The following COL14A1 variants were observed in gnomAD, a reference collection of about 807,000 sequenced individuals.
The protein encoded by COL14A1 is collagen type XIV alpha 1 chain.
COL14A1 carries 136 observed loss-of-function variants against 230.3 expected under a neutral mutation model. The ratio of observed to expected loss-of-function variants is 0.59; its 90% confidence interval spans 0.51 to 0.68. The LOEUF is 0.68. COL14A1 is among the 30% of genes least tolerant of loss of function. The pLI is 0.00. For missense variants in COL14A1, 1,976 were observed against 2,215.8 expected, an observed-to-expected ratio of 0.89 and a Z score of 2.17; for synonymous variants, 792 against 784.1, an observed-to-expected ratio of 1.01 and a Z score of -0.17.
At chr8:120,203,573 A>T in intron 8 of COL14A1, 136 bp from the exon 9 acceptor site, 1 of 541,278 alleles carries the variant, frequency 1.8e-6, no homozygotes, top group Non-Finnish European at 3.0e-6. Context: ...TAAAATTTTA[A>T]ATATATATAT....
At chr8:120,229,208 A>C (rs1158039147) in intron 18 of COL14A1, among the ~76,000 whole-genome samples, 1 of 150,392 alleles carries the variant, frequency 6.6e-6, no homozygotes, top group African/African-American at 2.5e-5. Flanking sequence ...TGCACTGCAC[A>C]CACTAACTCG....
rs116087376 is a variant in COL14A1, at chr8:120,273,133, A to G, written c.3213+2959A>G. On this transcript the variant is annotated intron_variant, in intron 26 of 47. Transcript: ENST00000297848. ...GGAATAAAACTAGAAATCAACTCCA[A>G]AAGGAATCCTCAAAAGTATACAAAT... 4.3e-3 allele frequency among the ~76,000 whole-genome samples: 654 copies of G among 151,988 alleles called. 2 individuals are homozygous for G. Among genetic ancestry groups the G allele is most frequent in the African/African-American group, 0.015 (637 of 41,526 alleles).
intron 2 of COL14A1, among the ~76,000 whole-genome samples, chr8:120,151,960 T>C (rs1208213532): frequency 6.6e-6 from 1 of 152,016 alleles, no homozygotes; most frequent in Non-Finnish European, 1.5e-5. Context: ...AGTCAAGGAA[T>C]GTGAGAAGCC....
rs566393558 is a variant in COL14A1, at chr8:120,190,144, CT to C, written c.437-6646del. ...TATTTCTCCACATCCTCTCCAGCAC[CT>C]GTTGTTTCCTGACTTTTTCATGATT... On this transcript the variant is annotated intron_variant, in intron 5 of 47. Coordinates refer to ENST00000297848, the MANE Select transcript of COL14A1 (RefSeq NM_021110.4). 6.8e-3 allele frequency among the ~76,000 whole-genome samples: 1,026 copies of C among 151,920 alleles called. 7 individuals carry two copies. Among genetic ancestry groups the C allele is most frequent in the African/African-American group, 0.024 (976 of 41,402 alleles).
chr8:120,280,560 A>T (rs1820002577), intron 29 of COL14A1, 151 bp from the exon 30 acceptor site: 1 of 756,528 alleles, frequency 1.3e-6, no homozygotes, highest in African/African-American at 1.8e-5. Flanking sequence ...TCTTCATGAA[A>T]CCACAGAAAA....
chr8:120,218,114 A>T (rs1817816269), intron 14 of COL14A1, among the ~76,000 whole-genome samples: 1 of 139,646 alleles, frequency 7.2e-6, no homozygotes, highest in Admixed American at 7.6e-5. Context: ...ATATATAAGT[A>T]TATATCTATA....
intron 40 of COL14A1, among the ~76,000 whole-genome samples, chr8:120,317,177 C>T (rs1326393577): frequency 6.6e-6 from 1 of 152,132 alleles, no homozygotes; most frequent in Non-Finnish European, 1.5e-5. Context: ...CTGGTGTTCA[C>T]TGGTGTTTTG....
intron 5 of COL14A1, among the ~76,000 whole-genome samples, chr8:120,195,277 G>C (rs1026831966): frequency 1.3e-5 from 2 of 151,852 alleles, no homozygotes; most frequent in Non-Finnish European, 2.9e-5. Flanking sequence ...TATTCAACTT[G>C]TTTATGAATA....
chr8:120,343,338 A>G (rs571854726), intron 44 of COL14A1, among the ~76,000 whole-genome samples: 3 of 151,980 alleles, frequency 2.0e-5, no homozygotes, highest in Non-Finnish European at 4.4e-5. Context: ...TAGCACCCCC[A>G]CTTCCAGGGC....
chr8:120,225,170 A>G lies in COL14A1; in HGVS notation c.1820A>G (p.Tyr607Cys). 1.2e-6 allele frequency: 2 copies of G among 1,612,960 alleles called. No homozygotes were observed. The highest frequency in any genetic ancestry group is 1.3e-5 in the African/African-American group (1 of 75,012). The change falls in exon 15 of 48, where the codon TAT becomes TGT. Residue 607 changes from tyrosine (Y) to cysteine (C), a missense_variant. Physicochemically the swap from Tyr to Cys is radical, Grantham distance 194 (BLOSUM62 -2). Coordinates refer to ENST00000297848, the MANE Select transcript of COL14A1 (RefSeq NM_021110.4). Reference sequence around the variant, plus strand: ...TATACTATTGCTATTTTCTCCATCTATGATGAAGGACAGTCAGAGCCTCTG... The same window carrying G: ...TATACTATTGCTATTTTCTCCATCTGTGATGAAGGACAGTCAGAGCCTCTG... ...TEYTIAIFSI[Y>C]DEGQSEPLTG...
At chr8:120,145,438 A>G (rs1815059739) in intron 1 of COL14A1, among the ~76,000 whole-genome samples, 1 of 152,268 alleles carries the variant, frequency 6.6e-6, no homozygotes, top group East Asian at 1.9e-4. Flanking sequence ...GGGCAACATG[A>G]TGAAATCCCG....
At chr8:120,350,236 G>A (rs1029843567) in intron 45 of COL14A1, among the ~76,000 whole-genome samples, 1 of 152,016 alleles carries the variant, frequency 6.6e-6, no homozygotes, top group South Asian at 2.1e-4. Flanking sequence ...CCTGAAGGAA[G>A]CAATAAACAT....
chr8:120,216,965 T>G (rs114372083), intron 14 of COL14A1, among the ~76,000 whole-genome samples: 1,778 of 152,170 alleles, frequency 0.012, 36 homozygotes, highest in African/African-American at 0.039. Flanking sequence ...TCACACTCCA[T>G]TAGTATGAGA....
chr8:120,308,489 A>T (rs1820920779), intron 36 of COL14A1, among the ~76,000 whole-genome samples: 1 of 152,260 alleles, frequency 6.6e-6, no homozygotes, highest in African/African-American at 2.4e-5. Flanking sequence ...GTGTGACATC[A>T]CATATTTAAA....
chr8:120,166,058 C>G (rs116504967), intron 4 of COL14A1, among the ~76,000 whole-genome samples: 2,837 of 152,158 alleles, frequency 0.019, 85 homozygotes, highest in African/African-American at 0.065. Context: ...GTCAGTGGGG[C>G]CAGTCAGGTG....
chr8:120,347,479 A>C (rs1822560826), intron 45 of COL14A1, among the ~76,000 whole-genome samples: 1 of 152,182 alleles, frequency 6.6e-6, no homozygotes, highest in South Asian at 2.1e-4. Context: ...GTCAGGGCTT[A>C]TAGGCCAGCA....
chr8:120,275,491 G>A (rs1819810268), intron 26 of COL14A1, among the ~76,000 whole-genome samples: 1 of 151,774 alleles, frequency 6.6e-6, no homozygotes, highest in South Asian at 2.1e-4. Flanking sequence ...TAAATAAATG[G>A]TACCTAATTA....
intron 46 of COL14A1, among the ~76,000 whole-genome samples, chr8:120,368,595 A>T (rs1321565483): frequency 2.3e-5 from 3 of 132,620 alleles, no homozygotes; most frequent in African/African-American, 9.7e-5. Flanking sequence ...CCTAAAAACA[A>T]GCATACAAGC....
At position 120,345,401 on chromosome 8, in the gene COL14A1, C is replaced by A. The variant is rs1822467051; in HGVS notation, c.4915C>A (p.Leu1639Ile). ...TCACATGGCCAGGTACACTGCCATC[C>A]TCAACCAGATTCCCAGCCACTCCTC... ...QSHMARYTAI[L>I]NQIPSHSSSI... is the part of the protein sequence containing the mutation. The change falls in exon 45 of 48, where the codon CTC (leucine) becomes ATC (isoleucine). Residue 1639 changes from leucine (L) to isoleucine (I), a missense_variant. Coordinates refer to ENST00000297848, the MANE Select transcript of COL14A1 (RefSeq NM_021110.4). 1 of 1,595,826 alleles carries A rather than the reference C, an allele frequency of 6.3e-7. No homozygotes were observed. Among genetic ancestry groups the A allele is most frequent in the Non-Finnish European group, 8.5e-7 (1 of 1,172,506 alleles).
Sources: gnomAD v4.1 joint callset for allele counts (sites outside exome capture counted in the v4.1 genomes callset) on GRCh38, gnomAD v4.1.1 for gene constraint, MANE v1.5 for transcripts, NCBI Gene and HGNC (gene_info 2026-07-23, HGNC 2026-07-21) for gene names.